RAP1GAP2: variants seen among roughly 807,000 people sequenced by gnomAD.
RAP1GAP2 encodes RAP1 GTPase activating protein 2, also known as rap1 GTPase-activating protein 2.
In RAP1GAP2, 27 loss-of-function variants were observed where a neutral mutation model predicts 95.0. The observed-to-expected ratio is 0.28, with a 90% CI of 0.21 to 0.39. The LOEUF (loss-of-function observed/expected upper bound fraction) is 0.39, where lower values mean the gene tolerates loss of function less well. Among genes scored for constraint, RAP1GAP2 ranks in the 10% least tolerant of loss-of-function variants. The pLI is 1.00. For missense variants in RAP1GAP2, 771 were observed against 970.0 expected (o/e 0.79, Z 2.72); for synonymous variants, 373 against 380.9 (o/e 0.98, Z 0.24).
At position 2,926,189 on chromosome 17, in the gene RAP1GAP2, G is replaced by A. The variant is rs115429486; in HGVS notation, c.165+20821G>A. On this transcript the variant is annotated intron_variant, in intron 3 of 24. Transcript: ENST00000254695. The stretch of plus-strand genomic sequence containing the variant: ...GCAAGGCTGAGCCCTGGGGGTAACT[G>A]AGCTTAGTGTTACTCATGGAGACAG... Among the ~76,000 whole-genome samples the A allele has an allele frequency of 7.5e-3, 1,131 of 151,558 alleles. 18 individuals are homozygous for A. Among genetic ancestry groups the A allele is most frequent in the African/African-American group, 0.026 (1,062 of 41,246 alleles).
At chr17:2,807,614 G>A (rs2069574973) in intron 2 of RAP1GAP2, among the ~76,000 whole-genome samples, 1 of 152,184 alleles carries the variant, frequency 6.6e-6, no homozygotes, top group South Asian at 2.1e-4. Context: ...AGGTCAGCAG[G>A]GAGGAGAGAA....
In RAP1GAP2 at chr17:2,828,361, A is replaced by ACAAG. The variant is rs34695086; in HGVS notation, c.80+27811_80+27812insCAAG. ...CTCAAAAACAACAACAAACAAACAA[A>ACAAG]AATAATACTGCGATTTCCTAGCAAT... On this transcript the variant is annotated intron_variant, in intron 2 of 24. Coordinates refer to ENST00000254695, the MANE Select transcript of RAP1GAP2 (RefSeq NM_015085.5). Among the ~76,000 whole-genome samples, 34 of 151,456 alleles carry ACAAG rather than the reference A, an allele frequency of 2.2e-4. No individual in the cohort carries two copies. The East Asian group carries it at 6.2e-3, about 28-fold the overall frequency.
chr17:2,932,677 G>A lies in RAP1GAP2; in HGVS notation c.166-25082G>A, dbSNP rs982899798. On this transcript the variant is annotated intron_variant, in intron 3 of 24. Coordinates refer to ENST00000254695, the MANE Select transcript of RAP1GAP2 (RefSeq NM_015085.5). The stretch of plus-strand genomic sequence containing the variant: ...CTAAAAATACAAAAATTAGCCAGGA[G>A]TGGTGGCGGGCGCCTGTAATCCCAG... 5.3e-5 allele frequency among the ~76,000 whole-genome samples: 8 copies of A among 150,742 alleles called. No homozygotes were observed. In the South Asian group the frequency reaches 1.7e-3, roughly 32 times the overall value.
At position 3,036,545 on chromosome 17, in the gene RAP1GAP2, C is replaced by T. The variant is rs775865318; in HGVS notation, c.*3184C>T. The stretch of plus-strand genomic sequence containing the variant: ...AGTCTCTAGGATTTTTCAGTGAGGA[C>T]CCTTGGGCTTTGGATGCAGCTTGAA... On this transcript the variant is annotated 3_prime_UTR_variant, in exon 25 of 25. Coordinates refer to ENST00000254695, the MANE Select transcript of RAP1GAP2 (RefSeq NM_015085.5). 1 of 152,254 alleles carries T rather than the reference C, an allele frequency of 6.6e-6. No homozygotes were observed. Among genetic ancestry groups the T allele is most frequent in the South Asian group, 2.1e-4 (1 of 4,832 alleles). The allele number at this position is 152,254 out of a possible 1,614,324, so 9.4% of individuals were successfully genotyped here. A position where few individuals can be genotyped will look rare whatever the true frequency, so the allele number is the denominator to read the frequency against.
upstream of RAP1GAP2, among the ~76,000 whole-genome samples, chr17:2,772,569 A>T (rs1472954958): frequency 1.3e-5 from 2 of 152,072 alleles, no homozygotes; most frequent in Non-Finnish European, 2.9e-5. Flanking sequence ...TGCTGAGATG[A>T]CAGACGTGAG....
At chr17:3,031,371 C>T (rs959066013) in intron 23 of RAP1GAP2, among the ~76,000 whole-genome samples, 19 of 144,220 alleles carry the variant, frequency 1.3e-4, no homozygotes, top group South Asian at 2.2e-4. Context: ...ACCAGACTAT[C>T]GAGAGCTCCA....
intron 13 of RAP1GAP2, 99 bp from the exon 14 acceptor site, chr17:2,998,122 G>T: frequency 7.5e-7 from 1 of 1,332,866 alleles, no homozygotes; most frequent in Non-Finnish European, 1.0e-6. Flanking sequence ...TCAGAATTCA[G>T]TTTTCCTGTG....
At chr17:2,892,597 C>A (rs2073760805) in intron 2 of RAP1GAP2, among the ~76,000 whole-genome samples, 1 of 152,156 alleles carries the variant, frequency 6.6e-6, no homozygotes, top group Admixed American at 6.6e-5. Flanking sequence ...TTTGGAGCAT[C>A]TGGGCATCTC....
intron 17 of RAP1GAP2, among the ~76,000 whole-genome samples, chr17:3,016,263 C>G (rs982301688): frequency 6.6e-6 from 1 of 152,204 alleles, no homozygotes; most frequent in African/African-American, 2.4e-5. Context: ...AAACCTTTCC[C>G]CAGCGCACCC....
chr17:2,840,945 C>A (rs1312703737), intron 2 of RAP1GAP2, among the ~76,000 whole-genome samples: 1 of 152,030 alleles, frequency 6.6e-6, no homozygotes. Context: ...CTGCAGTGAG[C>A]CGAGATTGCG....
chr17:3,036,352 GTCCCT>G lies in RAP1GAP2; in HGVS notation c.*2995_*2999del. On this transcript the variant is annotated 3_prime_UTR_variant, in exon 25 of 25. Coordinates refer to ENST00000254695, the MANE Select transcript of RAP1GAP2 (RefSeq NM_015085.5). ...CTGGGATTAGAACCCTCAACCCAGG[GTCCCT>G]TCCTCTGCAGCGCCTACATGGTTGG... 1.3e-5 allele frequency: 2 copies of G among 152,238 alleles called. No individual in the cohort carries two copies. The highest frequency in any genetic ancestry group is 2.4e-5 in the African/African-American group (1 of 41,458). The allele number at this position is 152,238 out of a possible 1,614,324, so 9.4% of individuals were successfully genotyped here. A position where few individuals can be genotyped will look rare whatever the true frequency, so the allele number is the denominator to read the frequency against.
At chr17:2,875,038 C>A (rs142746077) in intron 2 of RAP1GAP2, among the ~76,000 whole-genome samples, 1 of 152,074 alleles carries the variant, frequency 6.6e-6, no homozygotes, top group Non-Finnish European at 1.5e-5. Flanking sequence ...GGGACGGCGC[C>A]CTTCGACATT....
intron 2 of RAP1GAP2, among the ~76,000 whole-genome samples, chr17:2,814,314 G>A (rs762113032): frequency 6.6e-6 from 1 of 152,140 alleles, no homozygotes; most frequent in African/African-American, 2.4e-5. Context: ...GCTGCAGCCC[G>A]AGGGTGGAAC....
chr17:2,984,946 C>T, intron 10 of RAP1GAP2, 37 bp from the exon 11 acceptor site: 1 of 1,604,810 alleles, frequency 6.2e-7, no homozygotes, highest in Non-Finnish European at 8.5e-7. Context: ...CCAAATTTAA[C>T]AAATGTTGAT....
intron 2 of RAP1GAP2, among the ~76,000 whole-genome samples, chr17:2,890,799 C>T (rs551086365): frequency 6.6e-6 from 1 of 151,380 alleles, no homozygotes; most frequent in South Asian, 2.1e-4. Context: ...ATTCTCCTGT[C>T]TCAGCCTCCC....
chr17:2,934,915 C>T (rs2043256787), intron 3 of RAP1GAP2, among the ~76,000 whole-genome samples: 2 of 152,160 alleles, frequency 1.3e-5, no homozygotes, highest in African/African-American at 4.8e-5. Flanking sequence ...AATATGACGC[C>T]TACCAAAACC....
At chr17:2,891,117 C>T (rs940573272) in intron 2 of RAP1GAP2, among the ~76,000 whole-genome samples, 1 of 151,264 alleles carries the variant, frequency 6.6e-6, no homozygotes, top group African/African-American at 2.4e-5. Context: ...CTGCCATTAG[C>T]TTTGTTTTCT....
Position 3,016,745 on chromosome 17 carries a change from C to T in RAP1GAP2, c.1495-1316C>T, listed in dbSNP as rs182104214. Among the ~76,000 whole-genome samples the T allele has an allele frequency of 3.2e-3, 482 of 152,316 alleles. 1 individual carries two copies. Among genetic ancestry groups the T allele is most frequent in the South Asian group, 0.016 (78 of 4,830 alleles). Reference sequence around the variant, plus strand: ...ATGTGCTGGGCTGTCTCCTCAGAGCCCTGTGTGTATTCTCACAACTACTCT... The same window carrying T: ...ATGTGCTGGGCTGTCTCCTCAGAGCTCTGTGTGTATTCTCACAACTACTCT... On this transcript the variant is annotated intron_variant, in intron 17 of 24. Coordinates refer to ENST00000254695, the MANE Select transcript of RAP1GAP2 (RefSeq NM_015085.5).
chr17:2,947,700 G>A (rs544348820), intron 3 of RAP1GAP2, among the ~76,000 whole-genome samples: 138 of 152,114 alleles, frequency 9.1e-4, no homozygotes, highest in African/African-American at 3.1e-3. Context: ...TGTGGATGGG[G>A]ACTTCTGGAC....
Sources: allele counts gnomAD v4.1 joint callset (sites outside exome capture counted in the v4.1 genomes callset), GRCh38; gene constraint gnomAD v4.1.1; transcripts MANE v1.5; gene names NCBI Gene and HGNC (gene_info 2026-07-23, HGNC 2026-07-21).